The following MPRIP variants were observed in gnomAD, a reference collection of about 807,000 sequenced individuals.
MPRIP encodes the protein myosin phosphatase Rho-interacting protein.
Under a neutral mutation model 234.9 loss-of-function variants are expected in MPRIP, and 59 were observed. That is an observed-to-expected ratio of 0.25 (90% CI 0.20 to 0.31). MPRIP has a LOEUF of 0.31. Ranked by LOEUF, MPRIP falls within the 10% of genes least tolerant of loss-of-function variation. MPRIP has a pLI of 1.00. For synonymous variants in MPRIP, 1,144 were observed against 1,263.9 expected, an observed-to-expected ratio of 0.91 and a Z score of 2.01; for missense variants, 2,436 against 3,071.0, an observed-to-expected ratio of 0.79 and a Z score of 4.89.
chr17:17,087,818 C>A (rs1004395880), intron 3 of MPRIP, among the ~76,000 whole-genome samples: 1 of 152,192 alleles, frequency 6.6e-6, no homozygotes, highest in African/African-American at 2.4e-5. Context: ...GTAGGCCACT[C>A]CCAAAAGTCC....
chr17:17,091,715 G>A (rs140320290), intron 3 of MPRIP, among the ~76,000 whole-genome samples: 7 of 152,306 alleles, frequency 4.6e-5, no homozygotes, highest in Admixed American at 1.3e-4. Context: ...AGGAAAAACC[G>A]AGGGTGCAAA....
chr17:17,171,790 C>T lies in MPRIP; in HGVS notation c.6397C>T (p.His2133Tyr). Reference sequence around the variant, plus strand: ...GAAGATTGAAGATCTCCAGAGGCAGCACCAGCGGGAGCTAGAGAAACTTCG... The same window carrying T: ...GAAGATTGAAGATCTCCAGAGGCAGTACCAGCGGGAGCTAGAGAAACTTCG... ...QKKIEDLQRQ[H>Y]QRELEKLREE... is the part of the protein sequence containing the mutation. Residue 2133 changes from histidine to tyrosine, a missense_variant, in exon 17 of 24, where the codon CAC becomes TAC. Transcript: ENST00000651222. The T allele has an allele frequency of 6.2e-7, 1 of 1,613,768 alleles. No homozygotes were observed. Among genetic ancestry groups the T allele is most frequent in the Non-Finnish European group, 8.5e-7 (1 of 1,180,040 alleles).
intron 18 of MPRIP, among the ~76,000 whole-genome samples, chr17:17,173,079 G>T (rs989047708): frequency 2.0e-5 from 3 of 152,254 alleles, no homozygotes; most frequent in African/African-American, 7.2e-5. Context: ...CTTGTCCAGG[G>T]CTGATCCCAG....
chr17:17,192,187 TGAAAA>T lies in MPRIP; in HGVS notation c.*7297_*7301del, dbSNP rs2046600956. 1 of 152,158 alleles carries T rather than the reference TGAAAA, an allele frequency of 6.6e-6. No individual in the cohort carries two copies. Among genetic ancestry groups the T allele is most frequent in the South Asian group, 2.1e-4 (1 of 4,828 alleles). 9.4% of individuals were successfully genotyped at this position (152,158 alleles called of 1,614,324 possible). A position where few individuals can be genotyped will look rare whatever the true frequency, so the allele number is the denominator to read the frequency against. ...TTCTCACAAACGTTCTGTCACATGA[TGAAAA>T]GAAGCAGCTTGTATAATTCCAACTG... On this transcript the variant is annotated 3_prime_UTR_variant, in exon 24 of 24. Coordinates refer to ENST00000651222, the MANE Select transcript of MPRIP (RefSeq NM_001364716.4).
chr17:17,058,006 G>A (rs529784164), intron 1 of MPRIP: 9 of 370,088 alleles, frequency 2.4e-5, no homozygotes, highest in African/African-American at 1.0e-4. Context: ...CATCCTTCAC[G>A]CCCCTCCCCA....
chr17:17,161,412 G>A, intron 15 of MPRIP, 56 bp downstream of exon 15: 2 of 1,300,528 alleles, frequency 1.5e-6, no homozygotes, highest in African/African-American at 1.5e-5. Flanking sequence ...CAGTGTGAAG[G>A]GTTCATGCTC....
At chr17:17,093,816 T>G (rs2089776623) in intron 3 of MPRIP, among the ~76,000 whole-genome samples, 1 of 152,244 alleles carries the variant, frequency 6.6e-6, no homozygotes, top group Non-Finnish European at 1.5e-5. Context: ...TAACTGGTTT[T>G]TACTGCTACT....
At chr17:17,062,552 C>T (rs2088898485) in intron 1 of MPRIP, among the ~76,000 whole-genome samples, 1 of 152,204 alleles carries the variant, frequency 6.6e-6, no homozygotes, top group African/African-American at 2.4e-5. Context: ...AGCTTCAGGG[C>T]AGCTGCTGGA....
intron 4 of MPRIP, among the ~76,000 whole-genome samples, chr17:17,128,672 C>T (rs558655258): frequency 1.3e-4 from 20 of 152,288 alleles, no homozygotes; most frequent in African/African-American, 2.4e-4. Context: ...TTGTGGGCCA[C>T]GTTAGTTCGT....
At chr17:17,058,116 G>A (rs551454200) in intron 1 of MPRIP, among the ~76,000 whole-genome samples, 10 of 152,250 alleles carry the variant, frequency 6.6e-5, no homozygotes, top group East Asian at 1.9e-4. Flanking sequence ...AGTGCTGGTC[G>A]AGCTGTTCTA....
chr17:17,052,184 C>A (rs1266248522), intron 1 of MPRIP, among the ~76,000 whole-genome samples: 1 of 152,146 alleles, frequency 6.6e-6, no homozygotes, highest in African/African-American at 2.4e-5. Context: ...CATGAGGCTC[C>A]CGTGCCAGAG....
At chr17:17,059,593 C>T (rs1376242170) in intron 1 of MPRIP, among the ~76,000 whole-genome samples, 1 of 152,264 alleles carries the variant, frequency 6.6e-6, no homozygotes, top group Non-Finnish European at 1.5e-5. Flanking sequence ...TTTGCCCCCT[C>T]CCAGGGAAGT....
chr17:17,088,399 A>AGATATGTGAAAGTCATT (rs2089640636), intron 3 of MPRIP, among the ~76,000 whole-genome samples: 1 of 152,252 alleles, frequency 6.6e-6, no homozygotes, highest in Admixed American at 6.5e-5. Flanking sequence ...TTTAGATATT[A>AGATATGTGAAAGTCATT]AGAAAGTGAA....
In MPRIP at chr17:17,187,541, T is replaced by C. The variant is rs545454485; in HGVS notation, c.*2647T>C. The stretch of plus-strand genomic sequence containing the variant: ...TGAACCAGGCGAGAAAGGATGACGA[T>C]GTTCTTCATGTTGCACCTGGACATG... On this transcript the variant is annotated 3_prime_UTR_variant, in exon 24 of 24. Transcript: ENST00000651222. 1 of 152,378 alleles carries C rather than the reference T, an allele frequency of 6.6e-6. No individual in the cohort carries two copies. Among genetic ancestry groups the C allele is most frequent in the African/African-American group, 2.4e-5 (1 of 41,576 alleles). 9.4% of individuals were successfully genotyped at this position (152,378 alleles called of 1,614,324 possible).
At chr17:17,092,890 G>A (rs1431864483) in intron 3 of MPRIP, among the ~76,000 whole-genome samples, 1 of 152,192 alleles carries the variant, frequency 6.6e-6, no homozygotes, top group African/African-American at 2.4e-5. Flanking sequence ...CCACACCAGG[G>A]GTCAGTTGTC....
At chr17:17,122,415 G>A (rs952444871) in intron 3 of MPRIP, among the ~76,000 whole-genome samples, 1 of 152,246 alleles carries the variant, frequency 6.6e-6, no homozygotes, top group Admixed American at 6.5e-5. Context: ...GTGCAGTGGC[G>A]CAATCTCGGC....
At chr17:17,061,928 T>G (rs909656615) in intron 1 of MPRIP, among the ~76,000 whole-genome samples, 11 of 152,124 alleles carry the variant, frequency 7.2e-5, no homozygotes, top group African/African-American at 2.7e-4. Flanking sequence ...GAGGCATTCT[T>G]GATTGTGCAG....
chr17:17,192,437 G>GGGC lies in MPRIP; in HGVS notation c.*7545_*7546insCGG, dbSNP rs2046611863. On this transcript the variant is annotated 3_prime_UTR_variant, in exon 24 of 24. Coordinates refer to ENST00000651222, the MANE Select transcript of MPRIP (RefSeq NM_001364716.4). ...CTGCTGCTTTTTTTTTGGGGGGGGG[G>GGGC]GGGGGAGGGGCGTCTTGAGGCTTTT... The GGGC allele has an allele frequency of 8.1e-6, 1 of 122,732 alleles. No homozygotes were observed. The highest frequency in any genetic ancestry group is 1.7e-5 in the Non-Finnish European group (1 of 57,908). The allele number at this position is 122,732 out of a possible 1,614,324, so 7.6% of individuals were successfully genotyped here. A position where few individuals can be genotyped will look rare whatever the true frequency, so the allele number is the denominator to read the frequency against.
chr17:17,138,004 G>A lies in MPRIP; in HGVS notation c.825G>A (p.Gln275=). 1 of 1,612,412 alleles carries A rather than the reference G, an allele frequency of 6.2e-7. No individual in the cohort carries two copies. The highest frequency in any genetic ancestry group is 8.5e-7 in the Non-Finnish European group (1 of 1,179,530). The change falls in exon 7 of 24, where the codon CAG becomes CAA. Residue 275 remains glutamine, a synonymous_variant. Coordinates refer to ENST00000651222, the MANE Select transcript of MPRIP (RefSeq NM_001364716.4). The surrounding 1 kb of genome is among the most constrained non-coding windows in gnomAD (Gnocchi z 5.8). ...SGYFSLEKTK[Q]DLKAEEQQLP... ...ACTTCTCTCTGGAGAAGACCAAACA[G>A]GACTTGAAGGCTGAAGAACAGCAGC...
Sources: gnomAD v4.1 joint callset for allele counts (sites outside exome capture counted in the v4.1 genomes callset) on GRCh38, gnomAD v4.1.1 for gene constraint, Gnocchi (gnomAD v3.1) non-coding constraint, MANE v1.5 for transcripts, NCBI Gene and HGNC (gene_info 2026-07-23, HGNC 2026-07-21) for gene names.